The following ZNF277 variants were observed in gnomAD, a reference collection of about 807,000 sequenced individuals.
ZNF277 encodes the protein nuclear receptor-interacting factor 4.
Under a neutral mutation model 60.7 loss-of-function variants are expected in ZNF277, and 55 were observed. The ratio of observed to expected loss-of-function variants is 0.91; its 90% CI spans 0.73 to 1.13. The LOEUF (loss-of-function observed/expected upper bound fraction) is 1.13, where lower values mean the gene tolerates loss of function less well. ZNF277 is among the 50% of genes most tolerant of loss of function. The pLI, the probability that ZNF277 is intolerant of heterozygous loss-of-function variation, is 0.00. For synonymous variants in ZNF277, 178 were observed against 179.3 expected, an observed-to-expected ratio of 0.99 and a Z score of 0.06; for missense variants, 510 against 523.0, an observed-to-expected ratio of 0.98 and a Z score of 0.24.
intron 1 of ZNF277, among the ~76,000 whole-genome samples, chr7:112,229,540 A>C (rs1294857098): frequency 6.6e-6 from 1 of 152,208 alleles, no homozygotes; most frequent in African/African-American, 2.4e-5. Flanking sequence ...CCATGAGGCC[A>C]AGTGGTCTTC....
chr7:112,253,187 C>T (rs1478756850), intron 1 of ZNF277, among the ~76,000 whole-genome samples: 1 of 152,076 alleles, frequency 6.6e-6, no homozygotes, highest in Non-Finnish European at 1.5e-5. Flanking sequence ...CATCAAATAT[C>T]GGGTGTGGTA....
chr7:112,228,504 C>T lies in ZNF277; in HGVS notation c.91+21697C>T, dbSNP rs138780397. On this transcript the variant is annotated intron_variant, in intron 1 of 11. Transcript: ENST00000361822. ...TTTCAAGCTGTTGAGCACATGCTGT[C>T]CCTTGCTTGACTTTATGGACGTTAG... Among the ~76,000 whole-genome samples the T allele has an allele frequency of 7.2e-4, 96 of 132,962 alleles. No individual in the cohort carries two copies. In the East Asian group the frequency reaches 0.021, roughly 28 times the overall value. 87.2% of individuals were successfully genotyped at this position (132,962 alleles called of 152,430 possible). A position where few individuals can be genotyped will look rare whatever the true frequency, so the allele number is the denominator to read the frequency against.
intron 4 of ZNF277, among the ~76,000 whole-genome samples, chr7:112,296,563 A>C (rs530124408): frequency 1.3e-5 from 2 of 152,154 alleles, no homozygotes; most frequent in South Asian, 2.1e-4. Context: ...CTAAAATAAC[A>C]ACAGAACTTA....
chr7:112,318,530 G>T (rs538135729), intron 5 of ZNF277, among the ~76,000 whole-genome samples: 1 of 152,124 alleles, frequency 6.6e-6, no homozygotes, highest in South Asian at 2.1e-4. Context: ...TGGCTGACCT[G>T]CAAGACCATA....
intron 1 of ZNF277, among the ~76,000 whole-genome samples, chr7:112,216,086 GT>G (rs1218852159): frequency 2.0e-5 from 3 of 152,188 alleles, no homozygotes; most frequent in African/African-American, 7.2e-5. Flanking sequence ...GGAAAGGAAG[GT>G]GAGAGTCTGC....
At chr7:112,249,142 G>A (rs533709187) in intron 1 of ZNF277, among the ~76,000 whole-genome samples, 6 of 152,208 alleles carry the variant, frequency 3.9e-5, no homozygotes, top group Non-Finnish European at 2.9e-5. Context: ...CAGACCAGAG[G>A]TTCAACTGTT....
intron 1 of ZNF277, among the ~76,000 whole-genome samples, chr7:112,216,386 T>G (rs1339654051): frequency 2.6e-5 from 4 of 152,196 alleles, no homozygotes; most frequent in Non-Finnish European, 5.9e-5. Context: ...CTCAGCTCAC[T>G]GCAACCTCTG....
intron 1 of ZNF277, among the ~76,000 whole-genome samples, chr7:112,284,705 T>C (rs1018018305): frequency 4.6e-5 from 7 of 152,058 alleles, no homozygotes; most frequent in African/African-American, 9.7e-5. Flanking sequence ...TTCTCTGATA[T>C]TAATTTTGTG....
chr7:112,342,090 G>A (rs1793455676), intron 11 of ZNF277, among the ~76,000 whole-genome samples: 1 of 152,102 alleles, frequency 6.6e-6, no homozygotes, highest in Admixed American at 6.6e-5. Context: ...TGAATAATTT[G>A]TGTTTGAAAA....
intron 2 of ZNF277, among the ~76,000 whole-genome samples, chr7:112,292,526 A>G (rs1169918489): frequency 6.6e-6 from 1 of 152,060 alleles, no homozygotes; most frequent in Admixed American, 6.6e-5. Flanking sequence ...CTCTGAGGGG[A>G]AAAAAATGCT....
rs753974086 is a variant in ZNF277, at chr7:112,340,930, A to G, written c.1068A>G (p.Gln356=). 2.2e-5 allele frequency: 35 copies of G among 1,612,808 alleles called. No homozygotes were observed. The highest frequency in any genetic ancestry group is 2.6e-5 in the Non-Finnish European group (31 of 1,179,610). Reference sequence around the variant, plus strand: ...ATTTTATTCGGAGGCAAGTTCACCAATGCAGATGTTATGGCTGCCATGTGA... The same window carrying G: ...ATTTTATTCGGAGGCAAGTTCACCAGTGCAGATGTTATGGCTGCCATGTGA... ...LVNFIRRQVH[Q]CRCYGCHVKF... is the part of the protein sequence containing the mutation. Residue 356 remains glutamine, a synonymous_variant, in exon 11 of 12, where the codon CAA becomes CAG. Coordinates refer to ENST00000361822, the MANE Select transcript of ZNF277 (RefSeq NM_021994.3).
chr7:112,313,282 A>C (rs566025039), intron 4 of ZNF277, among the ~76,000 whole-genome samples: 1 of 145,794 alleles, frequency 6.9e-6, no homozygotes, highest in Non-Finnish European at 1.5e-5. Context: ...ATGTTTTAAA[A>C]TTTTTTTTTT....
intron 1 of ZNF277, among the ~76,000 whole-genome samples, chr7:112,225,608 G>C (rs1254133699): frequency 1.3e-5 from 2 of 151,878 alleles, no homozygotes; most frequent in African/African-American, 4.8e-5. Context: ...TCTTTTCTTT[G>C]TGTGAATCCC....
At chr7:112,212,310 A>G (rs908791892) in intron 1 of ZNF277, among the ~76,000 whole-genome samples, 1 of 152,340 alleles carries the variant, frequency 6.6e-6, no homozygotes, top group Admixed American at 6.5e-5. Flanking sequence ...CTATTTCTAT[A>G]AACCATTAAG....
chr7:112,342,614 G>C lies in ZNF277; in HGVS notation c.1238G>C (p.Ser413Thr), dbSNP rs1387343698. The C allele has an allele frequency of 6.2e-7, 1 of 1,613,184 alleles. No homozygotes were observed. The highest frequency in any genetic ancestry group is 1.7e-5 in the Admixed American group (1 of 59,966). ...ACTCTCCTGTGTACACTATCTGACA[G>C]TGAAAGTGACCTGACAGCTCAGGAA... ...NDTLLCTLSD[S>T]ESDLTAQEQN... The change falls in exon 12 of 12, where the codon AGT becomes ACT. Residue 413 changes from serine to threonine, a missense_variant. By Grantham distance (58) the Ser-to-Thr change is moderately conservative. Coordinates refer to ENST00000361822, the MANE Select transcript of ZNF277 (RefSeq NM_021994.3).
At chr7:112,227,908 G>A (rs1277797346) in intron 1 of ZNF277, among the ~76,000 whole-genome samples, 1 of 151,928 alleles carries the variant, frequency 6.6e-6, no homozygotes, top group Non-Finnish European at 1.5e-5. Flanking sequence ...TAATAGTTCA[G>A]CTGTGTATAC....
At chr7:112,257,164 C>T (rs1338239874) in intron 1 of ZNF277, among the ~76,000 whole-genome samples, 5 of 152,160 alleles carry the variant, frequency 3.3e-5, no homozygotes, top group Admixed American at 3.3e-4. Flanking sequence ...CTTGCTGACG[C>T]CACACCGGAT....
chr7:112,334,940 A>G (rs1793301719), intron 7 of ZNF277, among the ~76,000 whole-genome samples: 2 of 152,184 alleles, frequency 1.3e-5, no homozygotes, highest in African/African-American at 4.8e-5. Flanking sequence ...TGGGAAGTAC[A>G]TTATAGAGTC....
At chr7:112,340,627 CCTAT>C (rs1793424805) in intron 10 of ZNF277, among the ~76,000 whole-genome samples, 1 of 152,088 alleles carries the variant, frequency 6.6e-6, no homozygotes, top group Non-Finnish European at 1.5e-5. Flanking sequence ...TATGATACTA[CCTAT>C]CTGATAGGGT....
Sources: gnomAD v4.1 joint callset for allele counts (sites outside exome capture counted in the v4.1 genomes callset) on GRCh38, gnomAD v4.1.1 for gene constraint, MANE v1.5 for transcripts, NCBI Gene and HGNC (gene_info 2026-07-23, HGNC 2026-07-21) for gene names.